The following ITPR1 variants were observed in gnomAD, a reference collection of about 807,000 sequenced individuals.
ITPR1 encodes the protein inositol 1,4,5-trisphosphate-gated calcium channel ITPR1.
A neutral mutation model predicts 318.4 loss-of-function variants in ITPR1; 96 were observed. The observed-to-expected ratio is 0.30, with a 90% CI of 0.26 to 0.36. The LOEUF is 0.36. Among genes scored for constraint, ITPR1 ranks in the 10% least tolerant of loss-of-function variants. The pLI is 1.00. For missense variants in ITPR1, 2,440 were observed against 3,460.2 expected (o/e 0.71, Z 7.40); for synonymous variants, 1,312 against 1,289.9 (o/e 1.02, Z -0.37).
intron 54 of ITPR1, among the ~76,000 whole-genome samples, chr3:4,803,914 C>G (rs1284017347): frequency 6.6e-6 from 1 of 152,186 alleles, no homozygotes; most frequent in African/African-American, 2.4e-5. Flanking sequence ...ATCTGTCACC[C>G]AGGCTGGAGT....
intron 4 of ITPR1, among the ~76,000 whole-genome samples, chr3:4,540,693 T>A (rs764756001): frequency 6.6e-6 from 1 of 152,122 alleles, no homozygotes; most frequent in African/African-American, 2.4e-5. Context: ...GTTCAAGTGG[T>A]TCTCCCCCTG....
intron 4 of ITPR1, among the ~76,000 whole-genome samples, chr3:4,525,889 A>G (rs542735680): frequency 6.6e-6 from 1 of 152,334 alleles, no homozygotes; most frequent in East Asian, 1.9e-4. Flanking sequence ...GATATCTACA[A>G]AGAAAAGGTG....
Position 4,633,725 on chromosome 3 carries a change from T to C in ITPR1, c.280-5659T>C, listed in dbSNP as rs115157365. ...CACATAAATTTCTTCTAAAGGCCAT[T>C]ACTACTGTTTTCTGACAGCAGCATA... On this transcript the variant is annotated intron_variant, in intron 5 of 61. Coordinates refer to ENST00000649015, the MANE Select transcript of ITPR1 (RefSeq NM_001378452.1). Among the ~76,000 whole-genome samples, 584 of 152,360 alleles carry C rather than the reference T, an allele frequency of 3.8e-3. 2 individuals carry two copies. The highest frequency in any genetic ancestry group is 0.013 in the African/African-American group (558 of 41,576).
chr3:4,846,006 A>T (rs974302382), intron 61 of ITPR1, 133 bp from the exon 62 acceptor site: 1 of 516,710 alleles, frequency 1.9e-6, no homozygotes, highest in African/African-American at 2.0e-5. Flanking sequence ...TGTTTGATAT[A>T]GCGATGGTAC....
intron 4 of ITPR1, among the ~76,000 whole-genome samples, chr3:4,583,388 G>T (rs2089556400): frequency 6.6e-6 from 1 of 151,898 alleles, no homozygotes; most frequent in South Asian, 2.1e-4. Context: ...GTTCCAGTTT[G>T]TGTTATGTGT....
intron 60 of ITPR1, among the ~76,000 whole-genome samples, chr3:4,827,633 G>C (rs1365137361): frequency 6.6e-6 from 1 of 152,166 alleles, no homozygotes; most frequent in African/African-American, 2.4e-5. Context: ...ATAAAATGAG[G>C]AAGTTGAATC....
intron 41 of ITPR1, 72 bp from the exon 42 acceptor site, chr3:4,727,054 A>G (rs1037023205): frequency 8.5e-7 from 1 of 1,172,310 alleles, no homozygotes; most frequent in Non-Finnish European, 1.3e-6. Context: ...TGTATTTTAT[A>G]TGTGACTGAT....
chr3:4,521,793 C>T (rs992667808), intron 4 of ITPR1, among the ~76,000 whole-genome samples: 1 of 152,160 alleles, frequency 6.6e-6, no homozygotes, highest in African/African-American at 2.4e-5. Context: ...TCACCTGAGC[C>T]TGGGAGTTCC....
chr3:4,803,341 T>C (rs976944660), intron 54 of ITPR1, among the ~76,000 whole-genome samples: 2 of 152,204 alleles, frequency 1.3e-5, no homozygotes, highest in South Asian at 2.1e-4. Context: ...AAAGAGGGTA[T>C]CACTGTCTTG....
At chr3:4,764,164 T>C (rs974958468) in intron 44 of ITPR1, among the ~76,000 whole-genome samples, 4 of 151,862 alleles carry the variant, frequency 2.6e-5, no homozygotes, top group Non-Finnish European at 5.9e-5. Context: ...TTGCATTCTT[T>C]GCCCCCATGA....
chr3:4,822,770 A>G (rs2049811701), intron 60 of ITPR1, among the ~76,000 whole-genome samples: 2 of 152,190 alleles, frequency 1.3e-5, no homozygotes, highest in Admixed American at 1.3e-4. Context: ...TGTAACTCAC[A>G]GCGCCGCTCA....
intron 2 of ITPR1, among the ~76,000 whole-genome samples, chr3:4,509,668 G>T (rs994569818): frequency 6.6e-6 from 1 of 152,162 alleles, no homozygotes; most frequent in Non-Finnish European, 1.5e-5. Context: ...ATGGTGGTAC[G>T]CACCGGTAGT....
At position 4,754,067 on chromosome 3, in the gene ITPR1, A is replaced by T. The variant is rs1047718327; in HGVS notation, c.5545-12463A>T. ...AGAAAATGGGGGGGGGGTGGCAAGG[A>T]TTATTCTTGGCATCTGTATAAATTT... On this transcript the variant is annotated intron_variant, in intron 44 of 61. Transcript: ENST00000649015. Among the ~76,000 whole-genome samples the T allele has an allele frequency of 7.9e-5, 11 of 139,844 alleles. No individual in the cohort carries two copies. The South Asian group carries it at 8.9e-4, about 11-fold the overall frequency. 91.7% of individuals were successfully genotyped at this position (139,844 alleles called of 152,430 possible). A position where few individuals can be genotyped will look rare whatever the true frequency, so the allele number is the denominator to read the frequency against.
intron 2 of ITPR1, among the ~76,000 whole-genome samples, chr3:4,502,111 C>G (rs576280780): frequency 6.6e-6 from 1 of 152,212 alleles, no homozygotes; most frequent in African/African-American, 2.4e-5. Flanking sequence ...GACACCCAGA[C>G]GACGGACATT....
At chr3:4,617,685 A>T (rs959313541) in intron 4 of ITPR1, among the ~76,000 whole-genome samples, 1 of 152,188 alleles carries the variant, frequency 6.6e-6, no homozygotes, top group African/African-American at 2.4e-5. Flanking sequence ...AAAGGTGGTT[A>T]AAAAAATTGA....
chr3:4,683,824 C>G, intron 28 of ITPR1, 26 bp downstream of exon 28: 1 of 1,602,160 alleles, frequency 6.2e-7, no homozygotes, highest in Non-Finnish European at 8.5e-7. Flanking sequence ...GTTATGCTGC[C>G]AAAGTGGATG....
chr3:4,567,262 A>G (rs2087400014), intron 4 of ITPR1, among the ~76,000 whole-genome samples: 1 of 151,926 alleles, frequency 6.6e-6, no homozygotes, highest in Non-Finnish European at 1.5e-5. Context: ...ATTTTTCTTT[A>G]GCTCTTACTC....
chr3:4,590,446 C>A (rs188831844), intron 4 of ITPR1, among the ~76,000 whole-genome samples: 1 of 150,994 alleles, frequency 6.6e-6, no homozygotes, highest in Non-Finnish European at 1.5e-5. Flanking sequence ...CTGAGTTGGC[C>A]CTGGTTGGAC....
At chr3:4,681,317 G>A in intron 25 of ITPR1, 47 bp from the exon 26 acceptor site, 1 of 1,373,148 alleles carries the variant, frequency 7.3e-7, no homozygotes, top group Non-Finnish European at 1.0e-6. Context: ...CCAGCAGCAT[G>A]TTTGCAGACC....
Sources: allele counts gnomAD v4.1 joint callset (sites outside exome capture counted in the v4.1 genomes callset), GRCh38; gene constraint gnomAD v4.1.1; transcripts MANE v1.5; gene names NCBI Gene and HGNC (gene_info 2026-07-23, HGNC 2026-07-21).